The following TNPO3 variants were observed in gnomAD, a reference collection of about 807,000 sequenced individuals.
The protein encoded by TNPO3 is transportin-3.
In TNPO3, 65 loss-of-function variants were observed where a neutral mutation model predicts 122.8. That is an observed-to-expected ratio of 0.53 (90% CI 0.43 to 0.65). The LOEUF (loss-of-function observed/expected upper bound fraction) is 0.65. TNPO3 is among the 30% of genes least tolerant of loss of function. The pLI, the probability that TNPO3 is intolerant of heterozygous loss-of-function variation, is 0.00. For synonymous variants in TNPO3, 372 were observed against 411.2 expected, an observed-to-expected ratio of 0.90 and a Z score of 1.15; for missense variants, 850 against 1,136.7, an observed-to-expected ratio of 0.75 and a Z score of 3.63.
At chr7:129,032,432 AAGATCATTCAACATGATC>A (rs934479527) in intron 1 of TNPO3, among the ~76,000 whole-genome samples, 3 of 152,220 alleles carry the variant, frequency 2.0e-5, no homozygotes, top group Non-Finnish European at 4.4e-5. Flanking sequence ...CATATAATGT[AAGATCATTCAACATGATC>A]TTACTTGTAG....
Position 128,970,240 on chromosome 7 carries a change from G to T in TNPO3, c.2506C>A (p.Gln836Lys). 6.2e-7 allele frequency: 1 copy of T among 1,613,908 alleles called. No homozygotes were observed. Among genetic ancestry groups the T allele is most frequent in the South Asian group, 1.1e-5 (1 of 91,062 alleles). Residue 836 changes from glutamine (Q) to lysine (K), a missense_variant, in exon 20 of 23, where the codon CAG (glutamine) becomes AAG (lysine). Gln to Lys is a moderately conservative substitution (Grantham distance 53). Coordinates refer to ENST00000265388, the MANE Select transcript of TNPO3 (RefSeq NM_012470.4). ...CAAAAGCAGCAGGTGTGCAGCAGCTGGCTGACAAGCTGCTGTCCAAGCTGG... is the reference window on the plus strand; with the variant it reads ...CAAAAGCAGCAGGTGTGCAGCAGCTTGCTGACAAGCTGCTGTCCAAGCTGG... ...MNQLGQQLVS[Q>K]LLHTCCFCLP... is the part of the protein sequence containing the mutation.
At chr7:128,988,520 T>C (rs1226491164) in intron 11 of TNPO3, among the ~76,000 whole-genome samples, 1 of 152,124 alleles carries the variant, frequency 6.6e-6, no homozygotes, top group Non-Finnish European at 1.5e-5. Flanking sequence ...CTATTCTGAG[T>C]ATGAACATAG....
chr7:128,989,901 GAGA>G, intron 11 of TNPO3, 57 bp downstream of exon 11: 1 of 1,578,468 alleles, frequency 6.3e-7, no homozygotes, highest in Non-Finnish European at 8.7e-7. Context: ...AGTAAGAGAT[GAGA>G]AGAAAAATCA....
intron 11 of TNPO3, among the ~76,000 whole-genome samples, chr7:128,987,235 T>G (rs779818773): frequency 3.3e-4 from 50 of 152,296 alleles, no homozygotes; most frequent in Admixed American, 1.2e-3. Context: ...ATCCAGGTAT[T>G]AAGAATATGG....
chr7:128,998,454 A>G lies in TNPO3; in HGVS notation c.1012-919T>C, dbSNP rs1801578571. On this transcript the variant is annotated intron_variant, in intron 7 of 22. Transcript: ENST00000265388. ...ACTGCAGCCTTGAACTTCTGGGCTC[A>G]AGCAATCCTTCCACACAGCCTCCTG... Among the ~76,000 whole-genome samples the G allele has an allele frequency of 4.6e-5, 7 of 152,196 alleles. No homozygotes were observed. The South Asian group carries it at 1.4e-3, about 31-fold the overall frequency.
At position 129,001,112 on chromosome 7, in the gene TNPO3, C is replaced by T; in HGVS notation, c.819G>A (p.Val273=). 6.2e-7 allele frequency: 1 copy of T among 1,614,190 alleles called. No homozygotes were observed. The highest frequency in any genetic ancestry group is 1.1e-5 in the South Asian group (1 of 91,086). ...LPLAMQLFQG[V]LTLETAYHMA... ...TATGATAGGCAGTCTCCAATGTCAG[C>T]ACTCCCTGAAAAAGTTGCATGGCTA... The change falls in exon 6 of 23, where the codon GTG becomes GTA. Residue 273 remains valine (V), a synonymous_variant. Coordinates refer to ENST00000265388, the MANE Select transcript of TNPO3 (RefSeq NM_012470.4).
At chr7:128,996,141 A>C (rs1349251847) in intron 8 of TNPO3, among the ~76,000 whole-genome samples, 1 of 152,250 alleles carries the variant, frequency 6.6e-6, no homozygotes, top group Non-Finnish European at 1.5e-5. Flanking sequence ...AGCACGTGGG[A>C]TTTAATTGTA....
At chr7:129,020,112 T>C (rs956275103) in intron 1 of TNPO3, among the ~76,000 whole-genome samples, 2 of 152,246 alleles carry the variant, frequency 1.3e-5, no homozygotes, top group East Asian at 1.9e-4. Context: ...AGTAAGACCC[T>C]GTTTTTAAAA....
chr7:129,040,165 G>A (rs1427537442), intron 1 of TNPO3, among the ~76,000 whole-genome samples: 2 of 151,340 alleles, frequency 1.3e-5, no homozygotes, highest in Non-Finnish European at 2.9e-5. Context: ...TGAGGCAGGA[G>A]AATCACTTGA....
In TNPO3 at chr7:128,955,373, A is replaced by C. The variant is rs1226110622; in HGVS notation, c.*44T>G. Reference sequence around the variant, plus strand: ...TTTGTTTTCTTCCTGTCTTCTAATTAAAAAAGACATTCCTGACAAAAGAGA... The same window carrying C: ...TTTGTTTTCTTCCTGTCTTCTAATTCAAAAAGACATTCCTGACAAAAGAGA... On this transcript the variant is annotated 3_prime_UTR_variant, in exon 23 of 23. Coordinates refer to ENST00000265388, the MANE Select transcript of TNPO3 (RefSeq NM_012470.4). 1 of 456,076 alleles carries C rather than the reference A, an allele frequency of 2.2e-6. No homozygotes were observed. The highest frequency in any genetic ancestry group is 2.4e-5 in the Admixed American group (1 of 42,410). The allele number at this position is 456,076 out of a possible 1,614,324, so 28.3% of individuals were successfully genotyped here.
chr7:129,009,068 T>C (rs1802896789), intron 4 of TNPO3, among the ~76,000 whole-genome samples: 1 of 152,190 alleles, frequency 6.6e-6, no homozygotes, highest in African/African-American at 2.4e-5. Flanking sequence ...ATCTGCCTCT[T>C]AAAGTCCTCA....
intron 21 of TNPO3, among the ~76,000 whole-genome samples, chr7:128,966,620 A>G (rs1310410260): frequency 6.6e-6 from 1 of 152,274 alleles, no homozygotes; most frequent in Non-Finnish European, 1.5e-5. Flanking sequence ...GTCTACTAAT[A>G]GAGGCATTAT....
At chr7:128,961,817 G>C (rs193018963) in intron 21 of TNPO3, among the ~76,000 whole-genome samples, 2 of 152,166 alleles carry the variant, frequency 1.3e-5, no homozygotes, top group East Asian at 3.9e-4. Context: ...ACTTGACTAG[G>C]GATTCAACCC....
intron 21 of TNPO3, among the ~76,000 whole-genome samples, chr7:128,963,037 G>A (rs1193237615): frequency 2.6e-5 from 4 of 152,174 alleles, no homozygotes; most frequent in Non-Finnish European, 5.9e-5. Flanking sequence ...GTCAACAGGA[G>A]ACATGCCCCA....
intron 7 of TNPO3, among the ~76,000 whole-genome samples, chr7:128,998,535 T>C (rs906347217): frequency 1.3e-5 from 2 of 151,978 alleles, no homozygotes; most frequent in Non-Finnish European, 2.9e-5. Context: ...TTTTAAAATT[T>C]TCTGTAGCGA....
At chr7:129,033,252 GAC>G (rs1806155301) in intron 1 of TNPO3, among the ~76,000 whole-genome samples, 1 of 152,112 alleles carries the variant, frequency 6.6e-6, no homozygotes, top group South Asian at 2.1e-4. Flanking sequence ...CATTGCAATT[GAC>G]AGTGATTTCT....
intron 21 of TNPO3, among the ~76,000 whole-genome samples, chr7:128,964,573 G>A (rs1797766177): frequency 6.6e-6 from 1 of 152,036 alleles, no homozygotes; most frequent in Non-Finnish European, 1.5e-5. Context: ...CTGACCTCGT[G>A]ATCTGCCTGC....
At chr7:129,047,878 A>T (rs193079458) in intron 1 of TNPO3, among the ~76,000 whole-genome samples, 1 of 152,336 alleles carries the variant, frequency 6.6e-6, no homozygotes. Context: ...AAAGAAAAAA[A>T]CCACCACACA....
chr7:128,955,390 C>A lies in TNPO3; in HGVS notation c.*32-5G>T, dbSNP rs76933194. On this transcript the variant is annotated splice_polypyrimidine_tract_variant and splice_region_variant and intron_variant, in intron 22 of 22. Transcript: ENST00000265388. ...TTCTAATTAAAAAAGACATTCCTGA[C>A]AAAAGAGATAAGACAGTCAATAACT... The A allele has an allele frequency of 4.4e-6, 2 of 455,602 alleles. No homozygotes were observed. Among genetic ancestry groups the A allele is most frequent in the Non-Finnish European group, 8.8e-6 (2 of 226,558 alleles). The allele number at this position is 455,602 out of a possible 1,614,324, so 28.2% of individuals were successfully genotyped here. A position where few individuals can be genotyped will look rare whatever the true frequency, so the allele number is the denominator to read the frequency against.
Sources: allele counts gnomAD v4.1 joint callset (sites outside exome capture counted in the v4.1 genomes callset), GRCh38; gene constraint gnomAD v4.1.1; transcripts MANE v1.5; gene names NCBI Gene and HGNC (gene_info 2026-07-23, HGNC 2026-07-21).